The following PRORP variants were observed in gnomAD, a reference collection of about 807,000 sequenced individuals.
PRORP encodes mitochondrial ribonuclease P catalytic subunit.
In PRORP, 51 loss-of-function variants were observed where a neutral mutation model predicts 59.4. The observed-to-expected ratio is 0.86, with a 90% confidence interval of 0.69 to 1.08. The LOEUF (loss-of-function observed/expected upper bound fraction) is 1.08. Among genes scored for constraint, PRORP ranks in the 50% least tolerant of loss-of-function variants. The pLI is 0.00. For synonymous variants in PRORP, 231 were observed against 245.6 expected (o/e 0.94, Z 0.55); for missense variants, 646 against 690.3 (o/e 0.94, Z 0.72).
chr14:35,163,235 A>G (rs2048104527), intron 4 of PRORP, among the ~76,000 whole-genome samples: 1 of 152,156 alleles, frequency 6.6e-6, no homozygotes, highest in South Asian at 2.1e-4. Context: ...CAACACAGAT[A>G]CAATATACAT....
At chr14:35,266,686 CT>C (rs1322320833) in intron 5 of PRORP, 40 bp from the exon 6 acceptor site, 1 of 1,605,284 alleles carries the variant, frequency 6.2e-7, no homozygotes, top group Non-Finnish European at 8.5e-7. Context: ...ATTTGAGAGT[CT>C]TCCCTTGAAC....
At chr14:35,129,262 G>A (rs1184206453) in intron 4 of PRORP, among the ~76,000 whole-genome samples, 1 of 151,740 alleles carries the variant, frequency 6.6e-6, no homozygotes, top group East Asian at 1.9e-4. Flanking sequence ...CTTCTGTTTT[G>A]ATATAGGCAC....
chr14:35,151,114 T>A (rs2047734470), intron 4 of PRORP, among the ~76,000 whole-genome samples: 1 of 152,216 alleles, frequency 6.6e-6, no homozygotes, highest in African/African-American at 2.4e-5. Flanking sequence ...AATCATCTAC[T>A]AAGTGAATTT....
chr14:35,185,797 A>G (rs746409456), intron 5 of PRORP, among the ~76,000 whole-genome samples: 3 of 152,216 alleles, frequency 2.0e-5, no homozygotes, highest in Non-Finnish European at 4.4e-5. Context: ...CAGAACTGTT[A>G]TGGCCAAAAG....
intron 6 of PRORP, among the ~76,000 whole-genome samples, chr14:35,269,310 A>G (rs529756048): frequency 6.6e-6 from 1 of 152,206 alleles, no homozygotes; most frequent in Non-Finnish European, 1.5e-5. Flanking sequence ...TTATATGGAA[A>G]AATTAGATAA....
chr14:35,251,580 G>T (rs1016620725), intron 5 of PRORP, among the ~76,000 whole-genome samples: 1 of 152,108 alleles, frequency 6.6e-6, no homozygotes, highest in African/African-American at 2.4e-5. Context: ...TTTGTTTTGA[G>T]ATGGAGTCTT....
At chr14:35,188,411 G>C (rs981948591) in intron 5 of PRORP, among the ~76,000 whole-genome samples, 1 of 150,772 alleles carries the variant, frequency 6.6e-6, no homozygotes, top group African/African-American at 2.4e-5. Flanking sequence ...GGCTGGTCTC[G>C]AACTCCTGAC....
rs1203334286 is a variant in PRORP, at chr14:35,236,923, TTC to T, written c.1276-29796_1276-29795del. The stretch of plus-strand genomic sequence containing the variant: ...TCTCTCTCTCTCTCATCTTCTTTCT[TTC>T]TCTCTCTTTCTCCTTCTTTCTTTCA... On this transcript the variant is annotated intron_variant, in intron 5 of 7. Coordinates refer to ENST00000534898, the MANE Select transcript of PRORP (RefSeq NM_014672.4). Among the ~76,000 whole-genome samples, 4 of 149,552 alleles carry T rather than the reference TTC, an allele frequency of 2.7e-5. 1 individual carries two copies. Among genetic ancestry groups the T allele is most frequent in the South Asian group, 4.2e-4 (2 of 4,718 alleles).
chr14:35,253,451 T>C (rs114009745), intron 5 of PRORP, among the ~76,000 whole-genome samples: 1,551 of 151,702 alleles, frequency 0.01, 30 homozygotes, highest in African/African-American at 0.035. Flanking sequence ...ACACACACAC[T>C]TTTCTCCCTT....
chr14:35,171,816 G>A lies in PRORP; in HGVS notation c.1168-8854G>A, dbSNP rs572880873. Among the ~76,000 whole-genome samples the A allele has an allele frequency of 2.6e-5, 4 of 152,106 alleles. No individual in the cohort carries two copies. The East Asian group carries it at 7.7e-4, about 29-fold the overall frequency. On this transcript the variant is annotated intron_variant, in intron 4 of 7. Transcript: ENST00000534898. ...TTGATATTGTACCACAGGTTACTGAGACCCAATTCATCTTTTTGCTTTCAT... is the reference window on the plus strand; with the variant it reads ...TTGATATTGTACCACAGGTTACTGAAACCCAATTCATCTTTTTGCTTTCAT...
chr14:35,173,897 C>T (rs548084764), intron 4 of PRORP, among the ~76,000 whole-genome samples: 30 of 152,152 alleles, frequency 2.0e-4, no homozygotes, highest in African/African-American at 7.2e-4. Context: ...CCCTCAGTCT[C>T]ATCGGTGTGG....
At chr14:35,171,127 G>A (rs1035054127) in intron 4 of PRORP, among the ~76,000 whole-genome samples, 1 of 152,148 alleles carries the variant, frequency 6.6e-6, no homozygotes, top group Admixed American at 6.5e-5. Flanking sequence ...GGGATTACAA[G>A]CATGAGCCAC....
intron 5 of PRORP, among the ~76,000 whole-genome samples, chr14:35,184,048 A>G (rs2048683746): frequency 6.6e-6 from 1 of 151,880 alleles, no homozygotes; most frequent in Non-Finnish European, 1.5e-5. Context: ...AGTGATGTAC[A>G]TATTATTTAT....
At chr14:35,222,460 A>G (rs2049811858) in intron 5 of PRORP, 2 of 152,226 alleles carry the variant, frequency 1.3e-5, no homozygotes, top group African/African-American at 4.8e-5. Flanking sequence ...AAGAGTGGAG[A>G]GAAATATTGG....
chr14:35,159,014 G>A (rs886942395), intron 4 of PRORP: 9 of 319,292 alleles, frequency 2.8e-5, no homozygotes, highest in Admixed American at 4.1e-5. Flanking sequence ...CATTCCAGTC[G>A]TCCAGATTCC....
intron 4 of PRORP, among the ~76,000 whole-genome samples, chr14:35,174,360 C>T (rs565303928): frequency 1.3e-5 from 2 of 152,040 alleles, no homozygotes; most frequent in South Asian, 4.2e-4. Context: ...AGAGGTAGAA[C>T]TCCCTCCCCT....
chr14:35,244,626 G>A lies in PRORP; in HGVS notation c.1276-22101G>A, dbSNP rs141286168. 1.5e-4 allele frequency among the ~76,000 whole-genome samples: 23 copies of A among 152,136 alleles called. No homozygotes were observed. In the East Asian group the frequency reaches 4.4e-3, roughly 29 times the overall value. ...TACGTGGTTCTCTAATAAATACAAA[G>A]CCTCTGTGTGTGCGCGCATAAAATA... On this transcript the variant is annotated intron_variant, in intron 5 of 7. Transcript: ENST00000534898.
At chr14:35,241,413 T>C (rs983568543) in intron 5 of PRORP, among the ~76,000 whole-genome samples, 8 of 152,210 alleles carry the variant, frequency 5.3e-5, no homozygotes, top group Non-Finnish European at 1.0e-4. Flanking sequence ...GGCAATTTTA[T>C]ATCAGGGACC....
intron 4 of PRORP, among the ~76,000 whole-genome samples, chr14:35,145,413 T>C (rs2047580127): frequency 7.0e-6 from 1 of 143,528 alleles, no homozygotes; most frequent in South Asian, 2.3e-4. Flanking sequence ...TTTTTTTTGG[T>C]CAAAATAGCT....
Sources: gnomAD v4.1 joint callset for allele counts (sites outside exome capture counted in the v4.1 genomes callset) on GRCh38, gnomAD v4.1.1 for gene constraint, MANE v1.5 for transcripts, NCBI Gene and HGNC (gene_info 2026-07-23, HGNC 2026-07-21) for gene names.